Variants in CTNNA2 observed in about 807,000 individuals in gnomAD.
CTNNA2 encodes catenin alpha 2.
CTNNA2 carries 42 observed loss-of-function variants against 101.0 expected under a neutral mutation model. The observed-to-expected ratio is 0.42, with a 90% CI of 0.32 to 0.54. The LOEUF (loss-of-function observed/expected upper bound fraction) is 0.54. Among genes scored for constraint, CTNNA2 ranks in the 20% least tolerant of loss-of-function variants. The pLI is 0.14. For synonymous variants in CTNNA2, 450 were observed against 456.4 expected, an observed-to-expected ratio of 0.99 and a Z score of 0.18; for missense variants, 871 against 1,223.1, an observed-to-expected ratio of 0.71 and a Z score of 4.29.
intron 7 of CTNNA2, among the ~76,000 whole-genome samples, chr2:79,938,387 G>T (rs1574360128): frequency 6.6e-6 from 1 of 152,256 alleles, no homozygotes; most frequent in East Asian, 1.9e-4. Context: ...TCTAATTAAA[G>T]ATATTTCTCA....
chr2:79,493,995 T>G (rs1169252843), intron 4 of CTNNA2: 3 of 152,088 alleles, frequency 2.0e-5, no homozygotes, highest in Admixed American at 2.0e-4. Flanking sequence ...AAAATCAATA[T>G]AGAGAAAACA....
chr2:80,239,997 A>G (rs894976402), intron 7 of CTNNA2, among the ~76,000 whole-genome samples: 33 of 152,206 alleles, frequency 2.2e-4, no homozygotes, highest in African/African-American at 7.0e-4. Context: ...TTTATTTCTG[A>G]AATTTTCCAT....
rs72915188 is a variant in CTNNA2, at chr2:79,267,964, G to A, written c.-405-44745G>A. ...TCAAAAGGTTCATAGAGGTGAGCAA[G>A]GCAGAATTCACTTATTATCAAAGCA... On this transcript the variant is annotated intron_variant, in intron 2 of 21. Transcript: ENST00000466387. Among the ~76,000 whole-genome samples, 472 of 152,186 alleles carry A rather than the reference G, an allele frequency of 3.1e-3. 6 individuals carry two copies. Among genetic ancestry groups the A allele is most frequent in the African/African-American group, 0.011 (451 of 41,544 alleles).
chr2:79,267,026 C>G (rs551258526), intron 2 of CTNNA2, among the ~76,000 whole-genome samples: 1 of 151,980 alleles, frequency 6.6e-6, no homozygotes, highest in Non-Finnish European at 1.5e-5. Flanking sequence ...CAGCAAGTCT[C>G]GTATGCTAAA....
intron 11 of CTNNA2, among the ~76,000 whole-genome samples, chr2:80,550,297 A>C (rs142607655): frequency 3.0e-3 from 454 of 152,338 alleles, no homozygotes; most frequent in Middle Eastern, 0.024. Flanking sequence ...GCCTTCAGCC[A>C]GCCATAATCT....
chr2:80,204,897 A>G (rs111606338), intron 7 of CTNNA2, among the ~76,000 whole-genome samples: 3,760 of 152,242 alleles, frequency 0.025, 164 homozygotes, highest in African/African-American at 0.084. Context: ...ATGATGGAAG[A>G]CAAGGAGGAG....
intron 1 of CTNNA2, among the ~76,000 whole-genome samples, chr2:79,565,008 G>C (rs1675018106): frequency 6.6e-6 from 1 of 152,100 alleles, no homozygotes; most frequent in African/African-American, 2.4e-5. Flanking sequence ...TAATCATAAA[G>C]GATATAACAG....
intron 17 of CTNNA2, among the ~76,000 whole-genome samples, chr2:80,611,635 A>T (rs1275409538): frequency 6.6e-6 from 1 of 151,610 alleles, no homozygotes; most frequent in Non-Finnish European, 1.5e-5. Flanking sequence ...GTATACATGG[A>T]TCTGGAAAAA....
intron 4 of CTNNA2, among the ~76,000 whole-genome samples, chr2:79,441,308 A>G (rs1300196529): frequency 1.3e-5 from 2 of 152,174 alleles, no homozygotes; most frequent in African/African-American, 2.4e-5. Flanking sequence ...GTTAGGCAAT[A>G]TGTATCATCT....
intron 7 of CTNNA2, among the ~76,000 whole-genome samples, chr2:80,072,531 G>A (rs1016257740): frequency 1.3e-5 from 2 of 152,146 alleles, no homozygotes; most frequent in African/African-American, 2.4e-5. Flanking sequence ...CTCAAAAACT[G>A]CATGCTTACT....
At chr2:80,626,791 T>G (rs1671730742) in intron 18 of CTNNA2, among the ~76,000 whole-genome samples, 1 of 152,072 alleles carries the variant, frequency 6.6e-6, no homozygotes, top group Admixed American at 6.6e-5. Context: ...GGTATACATA[T>G]GCCATGGTGG....
At position 79,913,933 on chromosome 2, in the gene CTNNA2, C is replaced by T. The variant is rs576008587; in HGVS notation, c.1056+4136C>T. Among the ~76,000 whole-genome samples, 152 of 150,160 alleles carry T rather than the reference C, an allele frequency of 1.0e-3. 2 individuals are homozygous for T. The highest frequency in any genetic ancestry group is 2.6e-3 in the African/African-American group (108 of 41,104). On this transcript the variant is annotated intron_variant, in intron 7 of 18. Transcript: ENST00000402739. ...CTGTAATCCCAGCACTTTGGGAGGC[C>T]GAGGCGGGCGGATCACGAGGTCAGG... is the stretch of plus-strand genomic sequence containing the variant.
chr2:80,421,230 A>C (rs2149409013), intron 9 of CTNNA2, among the ~76,000 whole-genome samples: 1 of 152,336 alleles, frequency 6.6e-6, no homozygotes, highest in South Asian at 2.1e-4. Flanking sequence ...TTAGCATATA[A>C]ATATACCATC....
chr2:79,424,804 T>C (rs1438663692), intron 4 of CTNNA2, among the ~76,000 whole-genome samples: 1 of 152,120 alleles, frequency 6.6e-6, no homozygotes, highest in Non-Finnish European at 1.5e-5. Context: ...TGAAAACAAA[T>C]AGAATTAAGG....
intron 9 of CTNNA2, among the ~76,000 whole-genome samples, chr2:80,499,024 C>G (rs1227213472): frequency 6.6e-6 from 1 of 152,040 alleles, no homozygotes; most frequent in Non-Finnish European, 1.5e-5. Flanking sequence ...TCTCAATTGC[C>G]CTGTTCGTAG....
intron 2 of CTNNA2, among the ~76,000 whole-genome samples, chr2:79,228,957 T>A (rs904072589): frequency 1.3e-5 from 2 of 152,156 alleles, no homozygotes; most frequent in Non-Finnish European, 2.9e-5. Context: ...AAGGTCCAGT[T>A]TTATTCTTCT....
intron 7 of CTNNA2, among the ~76,000 whole-genome samples, chr2:80,342,146 A>G (rs115738543): frequency 6.6e-6 from 1 of 152,314 alleles, no homozygotes; most frequent in African/African-American, 2.4e-5. Context: ...GTAATGGGTA[A>G]CCAATTTATT....
chr2:79,187,100 T>C (rs960142056), intron 1 of CTNNA2, among the ~76,000 whole-genome samples: 2 of 152,110 alleles, frequency 1.3e-5, no homozygotes, highest in Non-Finnish European at 1.5e-5. Flanking sequence ...GGGGTGTTTA[T>C]GAATGGTATT....
At chr2:79,221,753 A>G (rs1016637433) in intron 2 of CTNNA2, among the ~76,000 whole-genome samples, 1 of 152,158 alleles carries the variant, frequency 6.6e-6, no homozygotes, top group East Asian at 1.9e-4. Flanking sequence ...GTTTGTATCT[A>G]TATGGCTTAT....
Sources: allele counts gnomAD v4.1 joint callset (sites outside exome capture counted in the v4.1 genomes callset), GRCh38; gene constraint gnomAD v4.1.1; transcripts MANE v1.5; gene names NCBI Gene and HGNC (gene_info 2026-07-23, HGNC 2026-07-21).